Variants in C8orf76 observed in about 807,000 individuals in gnomAD.
C8orf76 encodes uncharacterized protein C8orf76.
A neutral mutation model predicts 38.1 loss-of-function variants in C8orf76; 46 were observed. The ratio of observed to expected loss-of-function variants is 1.21; its 90% CI spans 0.95 to 1.54. The LOEUF (loss-of-function observed/expected upper bound fraction) is 1.54. Ranked by LOEUF, C8orf76 falls within the 40% of genes most tolerant of loss-of-function variation. The pLI is 0.00. For synonymous variants in C8orf76, 166 were observed against 167.5 expected (o/e 0.99, Z 0.07); for missense variants, 461 against 441.6 (o/e 1.04, Z -0.39).
chr8:123,236,222 G>C (rs1825471423), intron 3 of C8orf76, among the ~76,000 whole-genome samples: 1 of 152,220 alleles, frequency 6.6e-6, no homozygotes, highest in Admixed American at 6.5e-5. Flanking sequence ...CAGCTCAATT[G>C]TGTGCATACG....
In C8orf76 at chr8:123,219,992, TA is replaced by T; in HGVS notation, c.*110del. On this transcript the variant is annotated 3_prime_UTR_variant, in exon 6 of 6. Coordinates refer to ENST00000276704, the MANE Select transcript of C8orf76 (RefSeq NM_032847.3). ...TCATTTGAGACAGAAGCCAGTTTTA[TA>T]AAACATAAATAATCATTTATACTCC... is the stretch of plus-strand genomic sequence containing the variant. The T allele has an allele frequency of 3.2e-6, 2 of 620,638 alleles. No individual in the cohort carries two copies. The highest frequency in any genetic ancestry group is 5.2e-6 in the Non-Finnish European group (2 of 386,818). 38.4% of individuals were successfully genotyped at this position (620,638 alleles called of 1,614,324 possible).
rs1254987468 is a variant in C8orf76, at chr8:123,231,583, CCA to C, written c.530_531del (p.Leu177ArgfsTer21). ...GCAAGTGCTGCTGAAAGAGCTGGCC[CCA>C]GATTCAGGTAAGCCTCTGCCAATTT... ...WGKLAEAYLN[L>X]GPALSAALAS... On this transcript the variant is annotated frameshift_variant, in exon 4 of 6. Coordinates refer to ENST00000276704, the MANE Select transcript of C8orf76 (RefSeq NM_032847.3). LOFTEE classifies it high-confidence loss of function. 6.2e-7 allele frequency: 1 copy of C among 1,614,166 alleles called. No individual in the cohort carries two copies. The highest frequency in any genetic ancestry group is 8.5e-7 in the Non-Finnish European group (1 of 1,180,040).
At chr8:123,241,079 TGGA>T (rs760913195) in intron 1 of C8orf76, 148 bp downstream of exon 1, 83 of 733,998 alleles carry the variant, frequency 1.1e-4, no homozygotes, top group Admixed American at 2.0e-4. Flanking sequence ...CGCTTCCCCG[TGGA>T]GGAGGAGGGA....
Position 123,237,876 on chromosome 8 carries a change from C to T in C8orf76, c.279G>A (p.Arg93=), listed in dbSNP as rs946110280. The change falls in exon 3 of 6, where the codon AGG becomes AGA. Residue 93 remains arginine, a synonymous_variant. Transcript: ENST00000276704. ...KLSSTNFAMK[R]DVQEGQARCL... ...ACCGAGCCTGACCTTCCTGGACATC[C>T]CTTTTCATGGCAAAATTGGTTGATG... 2 of 1,614,056 alleles carry T rather than the reference C, an allele frequency of 1.2e-6. No homozygotes were observed. Among genetic ancestry groups the T allele is most frequent in the Non-Finnish European group, 1.7e-6 (2 of 1,179,990 alleles).
At chr8:123,227,531 C>T (rs549531209) in intron 4 of C8orf76, among the ~76,000 whole-genome samples, 10 of 152,190 alleles carry the variant, frequency 6.6e-5, no homozygotes, top group Non-Finnish European at 8.8e-5. Flanking sequence ...TCAGATGCGG[C>T]GGTATAGGCA....
chr8:123,240,412 C>T (rs1418313074), intron 1 of C8orf76, among the ~76,000 whole-genome samples: 1 of 152,186 alleles, frequency 6.6e-6, no homozygotes, highest in African/African-American at 2.4e-5. Context: ...TTGTGAGGAA[C>T]GAATGAGACA....
rs1043445948 is a variant in C8orf76, at chr8:123,220,311, A to G, written c.949-14T>C. The G allele has an allele frequency of 6.8e-6, 8 of 1,180,678 alleles. No individual in the cohort carries two copies. The highest frequency in any genetic ancestry group is 5.9e-5 in the South Asian group (3 of 51,060). The allele number at this position is 1,180,678 out of a possible 1,614,324, so 73.1% of individuals were successfully genotyped here. A position where few individuals can be genotyped will look rare whatever the true frequency, so the allele number is the denominator to read the frequency against. On this transcript the variant is annotated splice_polypyrimidine_tract_variant and intron_variant, in intron 5 of 5. Coordinates refer to ENST00000276704, the MANE Select transcript of C8orf76 (RefSeq NM_032847.3). ...TTCTCCCATAACCTATAACAGGAGGAAAAAAAAAAACTGTCCCAATAAAAG... is the reference window on the plus strand; with the variant it reads ...TTCTCCCATAACCTATAACAGGAGGGAAAAAAAAAACTGTCCCAATAAAAG...
At chr8:123,231,805 T>C (rs1393536848) in intron 3 of C8orf76, 48 bp from the exon 4 acceptor site, 3 of 1,514,482 alleles carry the variant, frequency 2.0e-6, no homozygotes, top group Non-Finnish European at 2.6e-6. Context: ...CAAAGCATTT[T>C]CCATATAAAA....
In C8orf76 at chr8:123,226,597, G is replaced by A. The variant is rs374975138; in HGVS notation, c.851C>T (p.Ser284Leu). 66 of 1,607,652 alleles carry A rather than the reference G, an allele frequency of 4.1e-5. No individual in the cohort carries two copies. Among genetic ancestry groups the A allele is most frequent in the Non-Finnish European group, 5.3e-5 (63 of 1,178,584 alleles). ...LLQFTQPQQT[S>L]FALERNLRTQ... ...CCTTAAGTTCCTCTCCAAAGCAAAC[G>A]ATGTTTGCTGAGGTTGGGTAAACTG... The change falls in exon 5 of 6, where the codon TCG (serine) becomes TTG (leucine). Residue 284 changes from serine (S) to leucine (L), a missense_variant. Coordinates refer to ENST00000276704, the MANE Select transcript of C8orf76 (RefSeq NM_032847.3).
intron 5 of C8orf76, among the ~76,000 whole-genome samples, chr8:123,225,126 C>T (rs535315791): frequency 6.6e-6 from 1 of 152,192 alleles, no homozygotes; most frequent in Non-Finnish European, 1.5e-5. Flanking sequence ...CCGCCTTAGC[C>T]TCCCGAGTAG....
chr8:123,237,014 A>T, intron 3 of C8orf76: 1 of 1,504,678 alleles, frequency 6.6e-7, no homozygotes, highest in Admixed American at 1.7e-5. Flanking sequence ...AGACTACAAC[A>T]TCCAGAAGGA....
intron 5 of C8orf76, 72 bp downstream of exon 5, chr8:123,226,427 TA>T: frequency 6.3e-7 from 1 of 1,580,976 alleles, no homozygotes; most frequent in Admixed American, 2.0e-5. Flanking sequence ...CCCTGCTTTA[TA>T]AAAAATGCTA....
At chr8:123,240,243 C>G (rs1825636524) in intron 1 of C8orf76, among the ~76,000 whole-genome samples, 1 of 152,090 alleles carries the variant, frequency 6.6e-6, no homozygotes, top group Non-Finnish European at 1.5e-5. Flanking sequence ...TTTTAATGTT[C>G]TGCCACATGA....
intron 5 of C8orf76, among the ~76,000 whole-genome samples, chr8:123,224,628 A>G (rs1365281145): frequency 6.6e-6 from 1 of 152,180 alleles, no homozygotes; most frequent in Admixed American, 6.5e-5. Context: ...AATAAGCACA[A>G]AACAAAATGT....
intron 4 of C8orf76, among the ~76,000 whole-genome samples, chr8:123,229,019 C>A (rs752692281): frequency 6.6e-6 from 1 of 152,208 alleles, no homozygotes; most frequent in South Asian, 2.1e-4. Context: ...CCAGTTCTGA[C>A]GCCAAAGTCC....
chr8:123,237,175 C>T (rs879074410), intron 3 of C8orf76: 3 of 708,226 alleles, frequency 4.2e-6, no homozygotes, highest in South Asian at 1.5e-5. Context: ...CCGCAAGAAG[C>T]GCGGCCACAC....
At chr8:123,237,024 A>T (rs910960275) in intron 3 of C8orf76, 12 of 1,466,578 alleles carry the variant, frequency 8.2e-6, no homozygotes, top group African/African-American at 1.4e-5. Context: ...ATCCAGAAGG[A>T]GTCCACCCTG....
intron 5 of C8orf76, among the ~76,000 whole-genome samples, chr8:123,223,375 A>G (rs181715669): frequency 1.3e-5 from 2 of 152,362 alleles, no homozygotes; most frequent in African/African-American, 4.8e-5. Flanking sequence ...TGGGAGGCCG[A>G]GGCAGGCAGA....
At chr8:123,224,932 G>A (rs1333596947) in intron 5 of C8orf76, among the ~76,000 whole-genome samples, 2 of 152,146 alleles carry the variant, frequency 1.3e-5, no homozygotes, top group Admixed American at 6.5e-5. Context: ...AATGACCACA[G>A]AGCAGAATAT....
Sources: gnomAD v4.1 joint callset for allele counts (sites outside exome capture counted in the v4.1 genomes callset) on GRCh38, gnomAD v4.1.1 for gene constraint, MANE v1.5 for transcripts, NCBI Gene and HGNC (gene_info 2026-07-23, HGNC 2026-07-21) for gene names.